TDP1: variants seen among roughly 807,000 people sequenced by gnomAD.
TDP1 encodes the protein tyrosyl-DNA phosphodiesterase 1, also known as tyr-DNA phosphodiesterase 1.
A neutral mutation model predicts 81.5 loss-of-function variants in TDP1; 64 were observed. The observed-to-expected ratio is 0.79, with a 90% CI of 0.64 to 0.97. TDP1 has a LOEUF of 0.97. TDP1 is among the 50% of genes least tolerant of loss of function. The probability of loss-of-function intolerance (pLI) is 0.00; values close to 1 mark genes in which losing one functional copy is unlikely to be tolerated. For synonymous variants in TDP1, 256 were observed against 264.3 expected (o/e 0.97, Z 0.30); for missense variants, 723 against 743.8 (o/e 0.97, Z 0.33).
chr14:90,039,866 C>T (rs902684939), intron 16 of TDP1, among the ~76,000 whole-genome samples: 18 of 152,080 alleles, frequency 1.2e-4, no homozygotes, highest in Admixed American at 9.2e-4. Flanking sequence ...GATGCAAGTA[C>T]GATAGTACAA....
chr14:89,962,504 A>G (rs1892438626), intron 2 of TDP1, among the ~76,000 whole-genome samples: 1 of 152,096 alleles, frequency 6.6e-6, no homozygotes, highest in Admixed American at 6.5e-5. Flanking sequence ...TGTTTGTTTT[A>G]TTTTGGCATT....
chr14:90,030,021 T>C (rs1887102548), intron 15 of TDP1, among the ~76,000 whole-genome samples: 1 of 152,204 alleles, frequency 6.6e-6, no homozygotes, highest in South Asian at 2.1e-4. Context: ...TCATCTTCAT[T>C]TCATAAACGA....
At chr14:89,975,591 T>G (rs1017997995) in intron 6 of TDP1, 190 bp from the exon 7 acceptor site, 8 of 732,906 alleles carry the variant, frequency 1.1e-5, no homozygotes, top group South Asian at 1.2e-4. Flanking sequence ...GTTTTTTTTT[T>G]TTTTTTTTTT....
intron 8 of TDP1, chr14:89,984,005 T>G: frequency 1.8e-6 from 1 of 540,824 alleles, no homozygotes; most frequent in Non-Finnish European, 2.4e-6. Flanking sequence ...GGTTTGTTAA[T>G]TGAAAATAGA....
chr14:90,040,606 G>A (rs1888265237), intron 16 of TDP1, among the ~76,000 whole-genome samples: 1 of 152,216 alleles, frequency 6.6e-6, no homozygotes, highest in Non-Finnish European at 1.5e-5. Context: ...ATAGCACCTA[G>A]CAAATCTCTG....
At chr14:89,998,416 A>ATGTATG (rs1241564954) in intron 14 of TDP1, among the ~76,000 whole-genome samples, 24 of 85,744 alleles carry the variant, frequency 2.8e-4, no homozygotes, top group African/African-American at 1.3e-3. Context: ...ATATATATAT[A>ATGTATG]TATATATGTA....
intron 15 of TDP1, among the ~76,000 whole-genome samples, chr14:90,024,255 G>C (rs534128473): frequency 6.6e-6 from 1 of 152,098 alleles, no homozygotes; most frequent in African/African-American, 2.4e-5. Flanking sequence ...CTCTCACTAC[G>C]AGCCAGGTCC....
intron 15 of TDP1, among the ~76,000 whole-genome samples, chr14:90,029,399 G>A (rs563511893): frequency 3.3e-4 from 50 of 151,178 alleles, no homozygotes; most frequent in Non-Finnish European, 6.0e-4. Flanking sequence ...GGGTTTCTCC[G>A]TGTTGGCCAG....
intron 11 of TDP1, 32 bp downstream of exon 11, chr14:89,989,122 T>A (rs1895893190): frequency 6.3e-7 from 1 of 1,594,646 alleles, no homozygotes; most frequent in South Asian, 1.1e-5. Flanking sequence ...GGTAGTTTAC[T>A]TTTATTCTCT....
chr14:89,967,562 T>C (rs545245772), intron 5 of TDP1, 140 bp downstream of exon 5: 156 of 763,712 alleles, frequency 2.0e-4, no homozygotes, highest in Admixed American at 9.6e-4. Context: ...CATTAAGTTA[T>C]ATCCGGAAAA....
chr14:90,002,025 A>G (rs549497261), intron 14 of TDP1, among the ~76,000 whole-genome samples: 15 of 152,266 alleles, frequency 9.9e-5, no homozygotes, highest in African/African-American at 3.4e-4. Flanking sequence ...GTTACTGACC[A>G]AAAATTATTT....
At chr14:90,035,919 T>C (rs2140333847) in intron 16 of TDP1, among the ~76,000 whole-genome samples, 1 of 151,516 alleles carries the variant, frequency 6.6e-6, no homozygotes, top group African/African-American at 2.4e-5. Flanking sequence ...AAGGCAAAAA[T>C]GGAAGCACTA....
intron 7 of TDP1, among the ~76,000 whole-genome samples, chr14:89,977,322 C>T (rs1190216811): frequency 1.3e-5 from 2 of 151,970 alleles, no homozygotes; most frequent in African/African-American, 4.8e-5. Context: ...TTTGTTGAGA[C>T]AGTCTCGCTC....
intron 15 of TDP1, among the ~76,000 whole-genome samples, chr14:90,031,086 C>A (rs1472920028): frequency 6.6e-6 from 1 of 151,942 alleles, no homozygotes; most frequent in Non-Finnish European, 1.5e-5. Context: ...CCCACTTTTA[C>A]AAACACAGAA....
intron 10 of TDP1, among the ~76,000 whole-genome samples, chr14:89,987,760 C>T (rs1451924677): frequency 1.3e-5 from 2 of 152,254 alleles, no homozygotes; most frequent in East Asian, 1.9e-4. Context: ...TGAACTTGCC[C>T]TGTAGGGAGT....
intron 16 of TDP1, among the ~76,000 whole-genome samples, chr14:90,037,027 G>T (rs900435943): frequency 6.6e-6 from 1 of 152,140 alleles, no homozygotes; most frequent in African/African-American, 2.4e-5. Flanking sequence ...GCCCAGGCTG[G>T]TCTTGAACTC....
intron 4 of TDP1, among the ~76,000 whole-genome samples, chr14:89,966,447 A>G (rs1596507238): frequency 6.6e-6 from 1 of 152,344 alleles, no homozygotes; most frequent in Middle Eastern, 3.4e-3. Context: ...TGGACATTCC[A>G]GCTTGAAAGA....
intron 15 of TDP1, among the ~76,000 whole-genome samples, chr14:90,028,259 A>G (rs1196649780): frequency 6.6e-6 from 1 of 152,248 alleles, no homozygotes; most frequent in African/African-American, 2.4e-5. Flanking sequence ...CCTTCTGGGA[A>G]GTTCAGCTGC....
intron 7 of TDP1, among the ~76,000 whole-genome samples, chr14:89,977,277 T>C (rs1395970049): frequency 6.6e-6 from 1 of 152,252 alleles, no homozygotes; most frequent in Non-Finnish European, 1.5e-5. Flanking sequence ...GTCTTGAAAT[T>C]ACTTTTAGTT....
Sources: allele counts gnomAD v4.1 joint callset (sites outside exome capture counted in the v4.1 genomes callset), GRCh38; gene constraint gnomAD v4.1.1; transcripts MANE v1.5; gene names NCBI Gene and HGNC (gene_info 2026-07-23, HGNC 2026-07-21).